TNKS: variants seen among roughly 807,000 people sequenced by gnomAD.
TNKS encodes poly [ADP-ribose] polymerase tankyrase-1.
TNKS carries 72 observed loss-of-function variants against 135.8 expected under a neutral mutation model. The observed-to-expected ratio is 0.53, with a 90% CI of 0.44 to 0.64. The LOEUF (loss-of-function observed/expected upper bound fraction) is 0.64. Ranked by LOEUF, TNKS falls within the 30% of genes least tolerant of loss-of-function variation. The pLI, the probability that TNKS is intolerant of heterozygous loss-of-function variation, is 0.00. For synonymous variants in TNKS, 849 were observed against 649.3 expected, an observed-to-expected ratio of 1.31 and a Z score of -4.68; for missense variants, 1,769 against 1,674.0, an observed-to-expected ratio of 1.06 and a Z score of -0.99.
At chr8:9,700,169 C>A (rs536973893) in intron 5 of TNKS, among the ~76,000 whole-genome samples, 1 of 152,264 alleles carries the variant, frequency 6.6e-6, no homozygotes, top group South Asian at 2.1e-4. Context: ...GATTTGTCCA[C>A]ATCCACAGCA....
Position 9,556,621 on chromosome 8 carries a change from C to T in TNKS, c.673+9C>T. On this transcript the variant is annotated intron_variant, in intron 1 of 26. Coordinates refer to ENST00000310430, the MANE Select transcript of TNKS (RefSeq NM_003747.3). ...CCTGCACTTCGCTGCAGGTCAGAGA[C>T]TTTTGAATTGTTTATTAAGGGTTAT... 2 of 1,612,940 alleles carry T rather than the reference C, an allele frequency of 1.2e-6. No homozygotes were observed. The highest frequency in any genetic ancestry group is 1.7e-6 in the Non-Finnish European group (2 of 1,180,016).
chr8:9,679,705 T>A (rs1029534298), intron 3 of TNKS: 2 of 448,464 alleles, frequency 4.5e-6, no homozygotes, highest in African/African-American at 3.9e-5. Context: ...TTAGCATTCA[T>A]TGGTTGTCTG....
At chr8:9,579,241 C>A (rs141168963) in intron 1 of TNKS, among the ~76,000 whole-genome samples, 1 of 152,104 alleles carries the variant, frequency 6.6e-6, no homozygotes, top group African/African-American at 2.4e-5. Flanking sequence ...TAAGTGAATC[C>A]AAGCTTGAAT....
intron 3 of TNKS, among the ~76,000 whole-genome samples, chr8:9,629,228 T>C (rs1800188036): frequency 6.6e-6 from 1 of 152,204 alleles, no homozygotes; most frequent in African/African-American, 2.4e-5. Flanking sequence ...CTTTTTCTAA[T>C]AGCAAGACTT....
chr8:9,609,897 G>A (rs926428402), intron 2 of TNKS, among the ~76,000 whole-genome samples: 3 of 151,530 alleles, frequency 2.0e-5, no homozygotes, highest in Middle Eastern at 3.4e-3. Flanking sequence ...TCGCTCTGTC[G>A]GCCAGGCTGG....
intron 2 of TNKS, among the ~76,000 whole-genome samples, chr8:9,608,068 ATAGCTGGGACCACAGGTGCG>A (rs1585224610): frequency 6.6e-6 from 1 of 152,124 alleles, no homozygotes; most frequent in East Asian, 1.9e-4. Context: ...AGCCCCACGA[ATAGCTGGGACCACAGGTGCG>A]TGCCATCACG....
At chr8:9,738,893 A>T (rs2128820810) in intron 17 of TNKS, among the ~76,000 whole-genome samples, 1 of 146,188 alleles carries the variant, frequency 6.8e-6, no homozygotes, top group South Asian at 2.3e-4. Context: ...TGGGGTGGAG[A>T]GTTCTGTAGA....
At chr8:9,597,507 G>A (rs914699810) in intron 2 of TNKS, among the ~76,000 whole-genome samples, 3 of 152,176 alleles carry the variant, frequency 2.0e-5, no homozygotes, top group African/African-American at 7.2e-5. Flanking sequence ...GATAAGACAT[G>A]AAGCTCTTTT....
intron 3 of TNKS, among the ~76,000 whole-genome samples, chr8:9,636,298 C>T (rs1800508606): frequency 6.6e-6 from 1 of 152,104 alleles, no homozygotes; most frequent in South Asian, 2.1e-4. Context: ...AGTGATCATG[C>T]TGGGCATAAG....
chr8:9,614,648 A>G (rs1367102135), intron 2 of TNKS, among the ~76,000 whole-genome samples: 2 of 152,196 alleles, frequency 1.3e-5, no homozygotes, highest in East Asian at 3.9e-4. Flanking sequence ...GGACTCATCA[A>G]CGGTAGTGCC....
In TNKS at chr8:9,555,977, A is replaced by C; in HGVS notation, c.38A>C (p.His13Pro). The C allele has an allele frequency of 6.2e-7, 1 of 1,613,314 alleles. No homozygotes were observed. Among genetic ancestry groups the C allele is most frequent in the Non-Finnish European group, 8.5e-7 (1 of 1,179,818 alleles). The stretch of plus-strand genomic sequence containing the variant: ...CGTCGCTCTCAGCATCATCACCACC[A>C]TCATCAACAACAGCTCCAGCCCGCC... ...ASRRSQHHHH[H>P]HQQQLQPAPG... is the part of the protein sequence containing the mutation. The change falls in exon 1 of 27, where the codon CAT becomes CCT. Residue 13 changes from histidine to proline, a missense_variant. Physicochemically the swap from His to Pro is moderately conservative, Grantham distance 77. Transcript: ENST00000310430.
At chr8:9,586,794 T>C (rs1798398182) in intron 2 of TNKS, among the ~76,000 whole-genome samples, 1 of 150,906 alleles carries the variant, frequency 6.6e-6, no homozygotes, top group Admixed American at 6.6e-5. Flanking sequence ...TCCAATTGAC[T>C]TGTTAAGTTT....
chr8:9,580,477 AG>A, intron 2 of TNKS, 94 bp downstream of exon 2: 1 of 1,121,232 alleles, frequency 8.9e-7, no homozygotes, highest in Non-Finnish European at 1.3e-6. Flanking sequence ...TAGGTAAGGA[AG>A]GGTTTATTGC....
rs532226376 is a variant in TNKS, at chr8:9,653,946, T to C, written c.995-26005T>C. Among the ~76,000 whole-genome samples, 427 of 152,316 alleles carry C rather than the reference T, an allele frequency of 2.8e-3. 1 individual carries two copies. Among genetic ancestry groups the C allele is most frequent in the African/African-American group, 9.0e-3 (372 of 41,558 alleles). On this transcript the variant is annotated intron_variant, in intron 3 of 26. Coordinates refer to ENST00000310430, the MANE Select transcript of TNKS (RefSeq NM_003747.3). The stretch of plus-strand genomic sequence containing the variant: ...TCTGTGTCTCCATTTCCTGTCTGCA[T>C]CTGCATGGTTTTTGTTTCCTTAGGC...
Position 9,580,352 on chromosome 8 carries a change from T to C in TNKS, c.867T>C (p.Ala289=). ...GGAACTATACACCTCTGCATGAAGCTGCTATTAAAGGGAAGATCGATGTGT... is the reference window on the plus strand; with the variant it reads ...GGAACTATACACCTCTGCATGAAGCCGCTATTAAAGGGAAGATCGATGTGT... The part of the protein sequence containing the change: ...DNWNYTPLHE[A]AIKGKIDVCI... The change falls in exon 2 of 27, where the codon GCT becomes GCC. Residue 289 remains alanine, a synonymous_variant. Transcript: ENST00000310430. The C allele has an allele frequency of 1.2e-6, 2 of 1,614,208 alleles. No homozygotes were observed. The highest frequency in any genetic ancestry group is 2.7e-5 in the African/African-American group (2 of 75,062).
chr8:9,690,652 G>T (rs906614587), intron 5 of TNKS, among the ~76,000 whole-genome samples: 7 of 152,010 alleles, frequency 4.6e-5, no homozygotes, highest in Non-Finnish European at 8.8e-5. Context: ...CTACACGGGA[G>T]GCTGAGGCAG....
At chr8:9,750,161 GA>G (rs1419688949) in intron 18 of TNKS, among the ~76,000 whole-genome samples, 1 of 152,150 alleles carries the variant, frequency 6.6e-6, no homozygotes. Flanking sequence ...GTTTTTTAAA[GA>G]TTTTGAGGTA....
At chr8:9,663,984 G>T (rs1292350660) in intron 3 of TNKS, among the ~76,000 whole-genome samples, 1 of 152,156 alleles carries the variant, frequency 6.6e-6, no homozygotes, top group Non-Finnish European at 1.5e-5. Context: ...GGGGCTGAAA[G>T]TTCCACCCAT....
intron 2 of TNKS, among the ~76,000 whole-genome samples, chr8:9,586,973 T>C (rs556111631): frequency 9.9e-5 from 15 of 152,232 alleles, no homozygotes; most frequent in African/African-American, 3.6e-4. Context: ...ATACATATAA[T>C]GTTATGCTTT....
Sources: allele counts gnomAD v4.1 joint callset (sites outside exome capture counted in the v4.1 genomes callset), GRCh38; gene constraint gnomAD v4.1.1; transcripts MANE v1.5; gene names NCBI Gene and HGNC (gene_info 2026-07-23, HGNC 2026-07-21).